The following CEP89 variants were observed in gnomAD, a reference collection of about 807,000 sequenced individuals.
CEP89 encodes the protein centrosomal protein 89, also known as centrosomal protein of 89 kDa.
A neutral mutation model predicts 97.6 loss-of-function variants in CEP89; 95 were observed. That is an observed-to-expected ratio of 0.97 (90% CI 0.82 to 1.15). CEP89 has a LOEUF of 1.15. CEP89 is among the 50% of genes most tolerant of loss of function. The pLI is 0.00. For synonymous variants in CEP89, 354 were observed against 349.1 expected, an observed-to-expected ratio of 1.01 and a Z score of -0.16; for missense variants, 869 against 947.7, an observed-to-expected ratio of 0.92 and a Z score of 1.09.
chr19:32,913,076 A>G (rs1037922966), intron 14 of CEP89, among the ~76,000 whole-genome samples: 1 of 147,984 alleles, frequency 6.8e-6, no homozygotes, highest in Non-Finnish European at 1.5e-5. Flanking sequence ...AATAGAATAT[A>G]TAAATATATA....
intron 12 of CEP89, among the ~76,000 whole-genome samples, chr19:32,918,794 G>GCAAAA (rs1179517909): frequency 1.3e-5 from 2 of 150,710 alleles, no homozygotes; most frequent in African/African-American, 4.9e-5. Flanking sequence ...TAGCATATTT[G>GCAAAA]CAAAACAAAA....
At chr19:32,895,762 A>C (rs1969627609) in intron 16 of CEP89, among the ~76,000 whole-genome samples, 1 of 149,486 alleles carries the variant, frequency 6.7e-6, no homozygotes, top group African/African-American at 2.5e-5. Flanking sequence ...AAAAAAAAAA[A>C]AGTTTAGTAA....
At chr19:32,911,417 A>AG (rs1381208748) in intron 14 of CEP89, among the ~76,000 whole-genome samples, 6 of 152,196 alleles carry the variant, frequency 3.9e-5, no homozygotes, top group Admixed American at 3.9e-4. Flanking sequence ...AGCACTTGGA[A>AG]GGCCAAGGTG....
intron 5 of CEP89, among the ~76,000 whole-genome samples, chr19:32,941,355 T>A (rs1273793057): frequency 6.6e-6 from 1 of 151,848 alleles, no homozygotes; most frequent in East Asian, 1.9e-4. Context: ...ACACAAAAAT[T>A]AGCCGGGCAT....
At chr19:32,944,608 G>A (rs76800603) in intron 5 of CEP89, among the ~76,000 whole-genome samples, 1 of 152,244 alleles carries the variant, frequency 6.6e-6, no homozygotes, top group East Asian at 1.9e-4. Context: ...GAGGGAGAAG[G>A]CCTGGAGAGG....
In CEP89 at chr19:32,879,263, C is replaced by T. The variant is rs1457765528; in HGVS notation, c.2251G>A (p.Ala751Thr). ...TRTGVQDNPR[A>T]LVAPSLNGVS... ...CCATTGAGGCTGGGGGCAACCAGAGCTCTGGGGTTGTCCTGCACGCCTGTC... is the reference window on the plus strand; with the variant it reads ...CCATTGAGGCTGGGGGCAACCAGAGTTCTGGGGTTGTCCTGCACGCCTGTC... The change falls in exon 19 of 19, where the codon GCT (alanine) becomes ACT (threonine). Residue 751 changes from alanine (A) to threonine (T), a missense_variant. Transcript: ENST00000305768. 6.2e-7 allele frequency: 1 copy of T among 1,614,142 alleles called. No individual in the cohort carries two copies. The highest frequency in any genetic ancestry group is 8.5e-7 in the Non-Finnish European group (1 of 1,180,044).
At chr19:32,882,849 G>A (rs1969312654) in intron 17 of CEP89, among the ~76,000 whole-genome samples, 1 of 151,954 alleles carries the variant, frequency 6.6e-6, no homozygotes. Flanking sequence ...GAATTTTCCT[G>A]TGAGCATTTT....
intron 14 of CEP89, among the ~76,000 whole-genome samples, chr19:32,911,716 C>T (rs1970004620): frequency 6.6e-6 from 1 of 152,118 alleles, no homozygotes; most frequent in African/African-American, 2.4e-5. Flanking sequence ...CAAAACCAGG[C>T]TCCAGTAATT....
intron 11 of CEP89, 51 bp downstream of exon 11, chr19:32,926,139 G>A (rs369815748): frequency 1.6e-5 from 21 of 1,272,818 alleles, no homozygotes; most frequent in South Asian, 6.1e-5. Context: ...AATTTGAAGC[G>A]GTCCTATATT....
At chr19:32,915,623 T>A in intron 13 of CEP89, 106 bp from the exon 14 acceptor site, 1 of 1,065,910 alleles carries the variant, frequency 9.4e-7, no homozygotes, top group Non-Finnish European at 1.4e-6. Flanking sequence ...AAAAATGACC[T>A]TTTAAAGATC....
At chr19:32,892,123 T>TA (rs1969533183) in intron 16 of CEP89, among the ~76,000 whole-genome samples, 1 of 144,920 alleles carries the variant, frequency 6.9e-6, no homozygotes, top group African/African-American at 2.6e-5. Flanking sequence ...CATACATATA[T>TA]TTAGACATAT....
intron 17 of CEP89, among the ~76,000 whole-genome samples, chr19:32,884,709 C>T (rs1162194864): frequency 1.3e-5 from 2 of 151,958 alleles, no homozygotes; most frequent in African/African-American, 2.4e-5. Flanking sequence ...GGAGTACAGG[C>T]GCTGGCTATC....
chr19:32,930,562 A>G (rs1970450383), intron 9 of CEP89, among the ~76,000 whole-genome samples: 1 of 151,950 alleles, frequency 6.6e-6, no homozygotes, highest in South Asian at 2.1e-4. Context: ...ATGGGAGAAC[A>G]CCGTGTGCCT....
At chr19:32,908,167 G>T (rs1054234711) in intron 14 of CEP89, among the ~76,000 whole-genome samples, 1 of 152,200 alleles carries the variant, frequency 6.6e-6, no homozygotes, top group African/African-American at 2.4e-5. Flanking sequence ...AGTGACACAC[G>T]ATTGTGTTTT....
chr19:32,883,984 A>G (rs567620968), intron 17 of CEP89, among the ~76,000 whole-genome samples: 5 of 152,182 alleles, frequency 3.3e-5, no homozygotes, highest in African/African-American at 7.2e-5. Flanking sequence ...ACTATAGATG[A>G]TGATGTAGAC....
intron 16 of CEP89, among the ~76,000 whole-genome samples, chr19:32,898,655 GC>G (rs1969695770): frequency 6.6e-6 from 1 of 152,026 alleles, no homozygotes; most frequent in Non-Finnish European, 1.5e-5. Flanking sequence ...GCCGAGGTGG[GC>G]AGATCTCTTG....
At position 32,917,682 on chromosome 19, in the gene CEP89, G is replaced by A. The variant is rs149651178; in HGVS notation, c.1384+542C>T. 4.6e-4 allele frequency: 183 copies of A among 395,428 alleles called. 1 individual carries two copies. In the East Asian group the frequency reaches 0.011, roughly 24 times the overall value. The allele number at this position is 395,428 out of a possible 1,614,324, so 24.5% of individuals were successfully genotyped here. On this transcript the variant is annotated intron_variant, in intron 13 of 18. Transcript: ENST00000305768. ...CTTAACCTGGCCCCCTTACAGTTGT[G>A]CACTGTCACAGACTATGAGGCTCCT...
intron 4 of CEP89, among the ~76,000 whole-genome samples, chr19:32,953,319 T>C (rs531935008): frequency 7.3e-5 from 11 of 151,220 alleles, no homozygotes; most frequent in African/African-American, 2.4e-4. Context: ...ACCATAAAAG[T>C]GATAGGAAAT....
intron 18 of CEP89, among the ~76,000 whole-genome samples, chr19:32,880,923 A>G (rs1969268096): frequency 6.6e-6 from 1 of 152,122 alleles, no homozygotes; most frequent in Non-Finnish European, 1.5e-5. Flanking sequence ...TTCTCTTCCT[A>G]CTAGAGGCAC....
Sources: gnomAD v4.1 joint callset for allele counts (sites outside exome capture counted in the v4.1 genomes callset) on GRCh38, gnomAD v4.1.1 for gene constraint, MANE v1.5 for transcripts, NCBI Gene and HGNC (gene_info 2026-07-23, HGNC 2026-07-21) for gene names.